The following RAD51B variants were observed in gnomAD, a reference collection of about 807,000 sequenced individuals.
RAD51B encodes the protein DNA repair protein RAD51 homolog 2.
In RAD51B, 38 loss-of-function variants were observed where a neutral mutation model predicts 42.2. The observed-to-expected ratio is 0.90, with a 90% CI of 0.70 to 1.18. The LOEUF is 1.18. Among genes scored for constraint, RAD51B ranks in the 50% most tolerant of loss-of-function variants. RAD51B has a pLI of 0.00. For synonymous variants in RAD51B, 154 were observed against 145.2 expected, an observed-to-expected ratio of 1.06 and a Z score of -0.43; for missense variants, 373 against 400.7, an observed-to-expected ratio of 0.93 and a Z score of 0.59.
rs535238105 is a variant in RAD51B, at chr14:68,637,694, G to A, written c.1037-13087G>A. 7.9e-5 allele frequency among the ~76,000 whole-genome samples: 12 copies of A among 152,340 alleles called. No homozygotes were observed. In the South Asian group the frequency reaches 2.3e-3, roughly 29 times the overall value. The stretch of plus-strand genomic sequence containing the variant: ...AATTGTGGTAGTCAAGACAGGATGT[G>A]AATAAGACATAAAGAAGCGTTTCAT... On this transcript the variant is annotated intron_variant, in intron 10 of 11. Coordinates refer to the RAD51B transcript ENST00000488612.
chr14:68,143,303 T>A (rs185041580), intron 7 of RAD51B, among the ~76,000 whole-genome samples: 28 of 152,328 alleles, frequency 1.8e-4, no homozygotes, highest in Non-Finnish European at 3.7e-4. Context: ...CAGGATTTCT[T>A]GTTCTTGAAG....
intron 9 of RAD51B, among the ~76,000 whole-genome samples, chr14:68,433,384 C>A (rs2085064209): frequency 6.6e-6 from 1 of 152,154 alleles, no homozygotes; most frequent in South Asian, 2.1e-4. Context: ...TCAGGTACAC[C>A]AATCAGACGT....
At chr14:68,512,663 G>T (rs1306573354) in intron 10 of RAD51B, among the ~76,000 whole-genome samples, 2 of 152,050 alleles carry the variant, frequency 1.3e-5, no homozygotes, top group African/African-American at 4.8e-5. Context: ...GCACCCATGT[G>T]GCAGCCTCTC....
intron 7 of RAD51B, among the ~76,000 whole-genome samples, chr14:67,970,813 A>C (rs918864667): frequency 1.3e-5 from 2 of 152,074 alleles, no homozygotes; most frequent in African/African-American, 4.8e-5. Context: ...TAATTTAGAC[A>C]AAGGAGATAC....
chr14:67,871,275 A>T (rs2140008829), intron 5 of RAD51B, among the ~76,000 whole-genome samples: 1 of 152,256 alleles, frequency 6.6e-6, no homozygotes, highest in South Asian at 2.1e-4. Flanking sequence ...ATCCCACAGA[A>T]ATACAAACTA....
In RAD51B at chr14:67,835,184, A is replaced by C. The variant is rs1318025103; in HGVS notation, c.303A>C (p.Gly101=). The C allele has an allele frequency of 1.2e-6, 2 of 1,613,040 alleles. No homozygotes were observed. Among genetic ancestry groups the C allele is most frequent in the Admixed American group, 1.7e-5 (1 of 59,984 alleles). The part of the protein sequence containing the change: ...DEALHGGVAC[G]SLTEITGPPG... The stretch of plus-strand genomic sequence containing the variant: ...CCCTGCATGGTGGTGTGGCTTGTGG[A>C]TCCCTCACAGAGGTAAAGGAAAAAT... The change falls in exon 4 of 11, where the codon GGA becomes GGC. Residue 101 remains glycine, a synonymous_variant. Transcript: ENST00000471583.
intron 10 of RAD51B, among the ~76,000 whole-genome samples, chr14:68,528,175 C>T (rs1442340605): frequency 6.6e-6 from 1 of 152,144 alleles, no homozygotes; most frequent in Non-Finnish European, 1.5e-5. Flanking sequence ...AGCATAATCC[C>T]TGCATGGTTT....
chr14:68,627,129 C>T (rs1003678986), intron 10 of RAD51B: 2 of 152,184 alleles, frequency 1.3e-5, no homozygotes, highest in Admixed American at 6.5e-5. Flanking sequence ...TCCTAACTAA[C>T]CAGCCCACAT....
chr14:68,633,005 G>C (rs1162966411), intron 10 of RAD51B, among the ~76,000 whole-genome samples: 2 of 119,958 alleles, frequency 1.7e-5, no homozygotes, highest in Non-Finnish European at 3.4e-5. Context: ...TTTTTGGAGA[G>C]AGGGGTTCTC....
At chr14:68,291,289 C>G (rs71423304) in intron 7 of RAD51B, among the ~76,000 whole-genome samples, 2 of 152,102 alleles carry the variant, frequency 1.3e-5, no homozygotes, top group Admixed American at 1.3e-4. Flanking sequence ...ACCTCCGCCT[C>G]TCGGATTCAA....
At chr14:68,093,882 G>A (rs1265019279) in intron 7 of RAD51B, among the ~76,000 whole-genome samples, 1 of 152,152 alleles carries the variant, frequency 6.6e-6, no homozygotes, top group Non-Finnish European at 1.5e-5. Flanking sequence ...GGATTGTAGG[G>A]TCATCAAGCA....
chr14:68,676,767 T>A (rs1363404406), intron 11 of RAD51B, among the ~76,000 whole-genome samples: 1 of 152,240 alleles, frequency 6.6e-6, no homozygotes, highest in Non-Finnish European at 1.5e-5. Flanking sequence ...GCCCAGTGTG[T>A]TTTGCAGGCG....
At chr14:68,636,655 C>A (rs1387249300) in intron 10 of RAD51B, among the ~76,000 whole-genome samples, 8 of 150,718 alleles carry the variant, frequency 5.3e-5, no homozygotes, top group African/African-American at 2.0e-4. Context: ...TGGAAAAGAA[C>A]AGAGTTTGTG....
At chr14:68,346,006 T>C (rs2082670126) in intron 8 of RAD51B, among the ~76,000 whole-genome samples, 1 of 152,252 alleles carries the variant, frequency 6.6e-6, no homozygotes, top group Non-Finnish European at 1.5e-5. Context: ...GGGTTCAGAA[T>C]GCAGTTGTGG....
intron 7 of RAD51B, among the ~76,000 whole-genome samples, chr14:68,177,426 C>T (rs2078982797): frequency 1.3e-5 from 2 of 152,132 alleles, no homozygotes; most frequent in Admixed American, 1.3e-4. Flanking sequence ...TCTAATTATA[C>T]ATGCTTTACT....
At chr14:67,993,987 G>A (rs1256703947) in intron 7 of RAD51B, among the ~76,000 whole-genome samples, 3 of 152,014 alleles carry the variant, frequency 2.0e-5, no homozygotes, top group Non-Finnish European at 4.4e-5. Context: ...AATAACAGCT[G>A]TATTATAACT....
chr14:68,127,130 T>G (rs1489159732), intron 7 of RAD51B, among the ~76,000 whole-genome samples: 1 of 152,178 alleles, frequency 6.6e-6, no homozygotes, highest in Admixed American at 6.5e-5. Flanking sequence ...GTGCCTCAAA[T>G]TATATTTTTT....
At chr14:68,389,844 T>A (rs911664790) in intron 8 of RAD51B, among the ~76,000 whole-genome samples, 2 of 152,242 alleles carry the variant, frequency 1.3e-5, no homozygotes, top group African/African-American at 4.8e-5. Context: ...GGATCACTGA[T>A]TGCTAGGGAA....
chr14:68,072,126 T>C (rs1365309162), intron 7 of RAD51B, among the ~76,000 whole-genome samples: 1 of 134,798 alleles, frequency 7.4e-6, no homozygotes, highest in East Asian at 2.1e-4. Flanking sequence ...ATATAAAATA[T>C]ATATATAATT....
Sources: gnomAD v4.1 joint callset for allele counts (sites outside exome capture counted in the v4.1 genomes callset) on GRCh38, gnomAD v4.1.1 for gene constraint, MANE v1.5 for transcripts, NCBI Gene and HGNC (gene_info 2026-07-23, HGNC 2026-07-21) for gene names.